The following AGBL4 variants were observed in gnomAD, a reference collection of about 807,000 sequenced individuals.
AGBL4 encodes cytosolic carboxypeptidase 6.
A neutral mutation model predicts 66.4 loss-of-function variants in AGBL4; 58 were observed. The observed-to-expected ratio is 0.87, with a 90% confidence interval of 0.71 to 1.09. The LOEUF is 1.09. Ranked by LOEUF, AGBL4 falls within the 50% of genes least tolerant of loss-of-function variation. The pLI, the probability that AGBL4 is intolerant of heterozygous loss-of-function variation, is 0.00. For synonymous variants in AGBL4, 234 were observed against 222.9 expected, an observed-to-expected ratio of 1.05 and a Z score of -0.44; for missense variants, 579 against 631.0, an observed-to-expected ratio of 0.92 and a Z score of 0.88.
intron 5 of AGBL4, among the ~76,000 whole-genome samples, chr1:48,878,578 T>G (rs1280625560): frequency 6.6e-6 from 1 of 152,124 alleles, no homozygotes; most frequent in Non-Finnish European, 1.5e-5. Context: ...CTCAGCACCT[T>G]GTATTACCCT....
At chr1:49,931,611 C>T (rs2148265403) in intron 1 of AGBL4, among the ~76,000 whole-genome samples, 1 of 152,230 alleles carries the variant, frequency 6.6e-6, no homozygotes, top group Admixed American at 6.5e-5. Flanking sequence ...AGGTCCCTCC[C>T]TCAACACATG....
chr1:48,651,290 T>C (rs1469075301), intron 8 of AGBL4, among the ~76,000 whole-genome samples: 1 of 152,148 alleles, frequency 6.6e-6, no homozygotes, highest in East Asian at 1.9e-4. Context: ...TCTCTGGGGC[T>C]TGAAGACATG....
intron 6 of AGBL4, among the ~76,000 whole-genome samples, chr1:48,701,514 T>C: frequency 6.6e-6 from 1 of 151,984 alleles, no homozygotes. Context: ...CAGGCTGGAG[T>C]GCAGTGGCTG....
At chr1:48,572,914 G>T (rs1440416308) in intron 11 of AGBL4, among the ~76,000 whole-genome samples, 1 of 152,212 alleles carries the variant, frequency 6.6e-6, no homozygotes, top group Non-Finnish European at 1.5e-5. Flanking sequence ...CAGAGGGAAG[G>T]AGCTGGAGAG....
At chr1:49,366,497 G>T (rs924264457) in intron 3 of AGBL4, among the ~76,000 whole-genome samples, 6 of 152,138 alleles carry the variant, frequency 3.9e-5, no homozygotes, top group African/African-American at 1.4e-4. Context: ...AATCTTAGGG[G>T]TGTAGGAGTT....
At chr1:49,293,699 A>T (rs1448272732) in intron 3 of AGBL4, among the ~76,000 whole-genome samples, 1 of 152,188 alleles carries the variant, frequency 6.6e-6, no homozygotes, top group Non-Finnish European at 1.5e-5. Flanking sequence ...ACAACAGTAG[A>T]TCAACACTAA....
chr1:48,617,735 C>T (rs1002732207), intron 9 of AGBL4, among the ~76,000 whole-genome samples: 2 of 152,144 alleles, frequency 1.3e-5, no homozygotes, highest in Admixed American at 1.3e-4. Flanking sequence ...TGCCTTGGGG[C>T]GGCCCTTGGG....
At chr1:48,689,217 A>AG (rs1646583739) in intron 6 of AGBL4, among the ~76,000 whole-genome samples, 2 of 151,110 alleles carry the variant, frequency 1.3e-5, no homozygotes, top group African/African-American at 4.9e-5. Flanking sequence ...AAAAAAAAAA[A>AG]AAAAAAGAAA....
intron 1 of AGBL4, among the ~76,000 whole-genome samples, chr1:49,854,540 A>G (rs1646386788): frequency 6.6e-6 from 1 of 152,094 alleles, no homozygotes; most frequent in South Asian, 2.1e-4. Flanking sequence ...ACCCCCCTGA[A>G]GCCTAAGCAG....
chr1:48,715,160 G>A (rs1271759922), intron 6 of AGBL4, among the ~76,000 whole-genome samples: 1 of 152,034 alleles, frequency 6.6e-6, no homozygotes, highest in Non-Finnish European at 1.5e-5. Context: ...CTGCTGCAGG[G>A]AGAGGACTTG....
At chr1:49,184,755 G>T (rs1646985332) in intron 4 of AGBL4, among the ~76,000 whole-genome samples, 1 of 152,154 alleles carries the variant, frequency 6.6e-6, no homozygotes. Context: ...AAGAACATGG[G>T]TTTTTGCAAT....
chr1:49,322,631 G>A (rs904614081), intron 3 of AGBL4, among the ~76,000 whole-genome samples: 1 of 152,308 alleles, frequency 6.6e-6, no homozygotes, highest in East Asian at 1.9e-4. Flanking sequence ...AGAAATTGGA[G>A]TGCTGTGACC....
rs565699812 is a variant in AGBL4 at position 49,253,872 on chromosome 1, C to G, written c.283-8008G>C. 2.0e-5 allele frequency among the ~76,000 whole-genome samples: 3 copies of G among 152,200 alleles called. No individual in the cohort carries two copies. In the South Asian group the frequency reaches 6.2e-4, roughly 32 times the overall value. ...CAAGGTTGGTTCAACATACACAAAC[C>G]AATAAATGTGATTCATCACATAAAC... On this transcript the variant is annotated intron_variant, in intron 3 of 13. Coordinates refer to ENST00000371839, the MANE Select transcript of AGBL4 (RefSeq NM_032785.4).
intron 6 of AGBL4, among the ~76,000 whole-genome samples, chr1:48,853,912 C>T (rs1647088074): frequency 6.6e-6 from 1 of 152,128 alleles, no homozygotes; most frequent in Non-Finnish European, 1.5e-5. Flanking sequence ...CAATGAGAAC[C>T]AGCATCCTCC....
intron 2 of AGBL4, among the ~76,000 whole-genome samples, chr1:49,776,964 G>A (rs1422829631): frequency 6.6e-6 from 1 of 152,052 alleles, no homozygotes; most frequent in Non-Finnish European, 1.5e-5. Flanking sequence ...AGGGAAAATA[G>A]CATTCTAGCA....
chr1:49,546,900 A>G (rs1652536153), intron 3 of AGBL4, among the ~76,000 whole-genome samples: 1 of 152,188 alleles, frequency 6.6e-6, no homozygotes, highest in African/African-American at 2.4e-5. Context: ...GATTCTGGGT[A>G]TGAGTCCTTT....
intron 3 of AGBL4, among the ~76,000 whole-genome samples, chr1:49,642,142 A>G (rs1326116383): frequency 6.6e-6 from 1 of 152,042 alleles, no homozygotes; most frequent in African/African-American, 2.4e-5. Flanking sequence ...ATATATAAAT[A>G]CTTCTTAAAG....
chr1:49,955,608 C>T (rs999757663), intron 1 of AGBL4, among the ~76,000 whole-genome samples: 1 of 151,878 alleles, frequency 6.6e-6, no homozygotes, highest in Admixed American at 6.6e-5. Context: ...TATCTATAAC[C>T]TTAAACTGAA....
intron 5 of AGBL4, among the ~76,000 whole-genome samples, chr1:48,925,178 G>A (rs1313121967): frequency 1.3e-5 from 2 of 149,802 alleles, no homozygotes; most frequent in South Asian, 2.1e-4. Flanking sequence ...ACACACATAT[G>A]TGTGTGTGTG....
Sources: allele counts gnomAD v4.1 joint callset (sites outside exome capture counted in the v4.1 genomes callset), GRCh38; gene constraint gnomAD v4.1.1; transcripts MANE v1.5; gene names NCBI Gene and HGNC (gene_info 2026-07-23, HGNC 2026-07-21).